ANKRD7: variants seen among roughly 807,000 people sequenced by gnomAD.
ANKRD7 encodes the protein ankyrin repeat domain-containing protein 7.
ANKRD7 carries 30 observed loss-of-function variants against 30.8 expected under a neutral mutation model. The ratio of observed to expected loss-of-function variants is 0.97; its 90% CI spans 0.73 to 1.32. The LOEUF (loss-of-function observed/expected upper bound fraction) is 1.32. Ranked by LOEUF, ANKRD7 falls within the 40% of genes most tolerant of loss-of-function variation. The probability of loss-of-function intolerance (pLI) is 0.00; values close to 1 mark genes in which losing one functional copy is unlikely to be tolerated. For missense variants in ANKRD7, 264 were observed against 295.7 expected (o/e 0.89, Z 0.79); for synonymous variants, 97 against 106.6 (o/e 0.91, Z 0.55).
At chr7:118,236,207 C>CGTGTGTGCGT in intron 4 of ANKRD7, 60 bp downstream of exon 4, 1 of 595,872 alleles carries the variant, frequency 1.7e-6, no homozygotes, top group Non-Finnish European at 2.8e-6. Context: ...TGTGTGTGTG[C>CGTGTGTGCGT]GTATGTGTGT....
chr7:118,232,176 AT>A (rs199588706), intron 1 of ANKRD7, among the ~76,000 whole-genome samples: 2,235 of 149,542 alleles, frequency 0.015, 55 homozygotes, highest in African/African-American at 0.051. Context: ...GCCACAACAA[AT>A]TTTTTTTTTG....
At chr7:118,236,984 G>A in intron 5 of ANKRD7, 58 bp downstream of exon 5, 1 of 1,566,514 alleles carries the variant, frequency 6.4e-7, no homozygotes, top group Non-Finnish European at 8.7e-7. Context: ...AAGGATCAAA[G>A]CCTAAGCCCC....
Position 118,240,000 on chromosome 7 carries a change from T to C in ANKRD7, c.*37+2T>C. 6.8e-7 allele frequency: 1 copy of C among 1,477,182 alleles called. No homozygotes were observed. The highest frequency in any genetic ancestry group is 9.1e-7 in the Non-Finnish European group (1 of 1,098,966). 91.5% of individuals were successfully genotyped at this position (1,477,182 alleles called of 1,614,324 possible). ...GGCACTACATGTGACTAAAGGAAGG[T>C]AAGATTGCTAACTGGATTAGTGTTT... On this transcript the variant is annotated splice_donor_variant, in intron 6 of 6. Transcript: ENST00000265224. LOFTEE classifies it low-confidence loss of function (3UTR_SPLICE).
intron 1 of ANKRD7, among the ~76,000 whole-genome samples, chr7:118,230,927 A>G (rs1456426587): frequency 6.6e-6 from 1 of 151,946 alleles, no homozygotes; most frequent in Admixed American, 6.6e-5. Flanking sequence ...TGGAAGTGAT[A>G]TTTTTAGATA....
intron 5 of ANKRD7, 106 bp downstream of exon 5, chr7:118,237,032 A>G: frequency 3.4e-6 from 4 of 1,172,448 alleles, no homozygotes; most frequent in South Asian, 3.0e-5. Flanking sequence ...AGTAGGGGTA[A>G]CCACATACAA....
Position 118,239,954 on chromosome 7 carries a change from C to G in ANKRD7, c.758C>G (p.Ala253Gly). 6.3e-7 allele frequency: 1 copy of G among 1,594,506 alleles called. No individual in the cohort carries two copies. The highest frequency in any genetic ancestry group is 8.6e-7 in the Non-Finnish European group (1 of 1,168,002). Residue 253 changes from alanine (A) to glycine (G), a missense_variant, in exon 6 of 7, where the codon GCT becomes GGT. Coordinates refer to ENST00000265224, the MANE Select transcript of ANKRD7 (RefSeq NM_019644.4). Reference sequence around the variant, plus strand: ...GCGAGCCATGGAAAGAAGAAACATGCTAAATAGACACCTTATTCTTGGCAC... The same window carrying G: ...GCGAGCCATGGAAAGAAGAAACATGGTAAATAGACACCTTATTCTTGGCAC... ...FTASHGKKKHAK is the reference protein window; with the variant it reads ...FTASHGKKKHGK
chr7:118,234,825 T>C lies in ANKRD7; in HGVS notation c.419T>C (p.Leu140Ser). Reference sequence around the variant, plus strand: ...GCTGTTTGTGGTCAAAGTTTGTCATTAGTTGAAAAACTGCTTGAATACGAA... The same window carrying C: ...GCTGTTTGTGGTCAAAGTTTGTCATCAGTTGAAAAACTGCTTGAATACGAA... Reference protein sequence around the residue: ...HYAVCGQSLSLVEKLLEYEAD... With the variant: ...HYAVCGQSLSSVEKLLEYEAD... Residue 140 changes from leucine (L) to serine (S), a missense_variant, in exon 3 of 7, where the codon TTA becomes TCA. Coordinates refer to ENST00000265224, the MANE Select transcript of ANKRD7 (RefSeq NM_019644.4). 1.2e-6 allele frequency: 2 copies of C among 1,611,778 alleles called. No individual in the cohort carries two copies. Among genetic ancestry groups the C allele is most frequent in the Non-Finnish European group, 8.5e-7 (1 of 1,179,510 alleles).
intron 5 of ANKRD7, among the ~76,000 whole-genome samples, chr7:118,238,273 A>G (rs899950007): frequency 4.4e-4 from 67 of 152,264 alleles, no homozygotes; most frequent in African/African-American, 1.6e-3. Flanking sequence ...CATATTTTCA[A>G]TGTCGAAAAT....
At chr7:118,235,066 T>C (rs1321332141) in intron 3 of ANKRD7, among the ~76,000 whole-genome samples, 192 bp downstream of exon 3, 1 of 152,200 alleles carries the variant, frequency 6.6e-6, no homozygotes, top group Non-Finnish European at 1.5e-5. Flanking sequence ...TATATTTTAT[T>C]GCAGATTGTA....
intron 1 of ANKRD7, among the ~76,000 whole-genome samples, chr7:118,233,660 A>T (rs1483403948): frequency 1.3e-5 from 2 of 152,120 alleles, no homozygotes; most frequent in Non-Finnish European, 2.9e-5. Flanking sequence ...AAACAAGGAA[A>T]ATATATTTAA....
chr7:118,233,090 C>T (rs1204528861), intron 1 of ANKRD7, among the ~76,000 whole-genome samples: 1 of 152,012 alleles, frequency 6.6e-6, no homozygotes, highest in Non-Finnish European at 1.5e-5. Context: ...AATTAGTCAT[C>T]AGAAATTTGC....
chr7:118,240,935 A>G (rs987795364), intron 6 of ANKRD7, among the ~76,000 whole-genome samples: 4 of 150,968 alleles, frequency 2.6e-5, no homozygotes, highest in Non-Finnish European at 5.9e-5. Flanking sequence ...CGGGTGGATC[A>G]TGAGGTCAGG....
intron 6 of ANKRD7, among the ~76,000 whole-genome samples, chr7:118,241,899 T>G (rs1376916943): frequency 2.6e-5 from 4 of 152,162 alleles, no homozygotes; most frequent in African/African-American, 7.2e-5. Flanking sequence ...TCTCTCTCTT[T>G]TAAATGTCTG....
chr7:118,229,155 T>G (rs1349095481), intron 1 of ANKRD7, among the ~76,000 whole-genome samples: 1 of 152,158 alleles, frequency 6.6e-6, no homozygotes, highest in Non-Finnish European at 1.5e-5. Context: ...GTTTTTGGAC[T>G]AGCTGGTCCC....
chr7:118,235,611 CAAAAAAAAAAA>C (rs776419798), intron 3 of ANKRD7, among the ~76,000 whole-genome samples: 1 of 48,334 alleles, frequency 2.1e-5, no homozygotes, highest in Non-Finnish European at 4.5e-5. Flanking sequence ...GACTCTGTCT[CAAAAAAAAAAA>C]AAAAAAAAAA....
In ANKRD7 at chr7:118,234,798, A is replaced by C. The variant is rs1282418520; in HGVS notation, c.392A>C (p.Tyr131Ser). 6.2e-7 allele frequency: 1 copy of C among 1,612,876 alleles called. No homozygotes were observed. Among genetic ancestry groups the C allele is most frequent in the Non-Finnish European group, 8.5e-7 (1 of 1,179,672 alleles). ...ATTCGTTATAATACTGTTCTTCACT[A>C]TGCTGTTTGTGGTCAAAGTTTGTCA... Reference protein sequence around the residue: ...RDIRYNTVLHYAVCGQSLSLV... With the variant: ...RDIRYNTVLHSAVCGQSLSLV... The change falls in exon 3 of 7, where the codon TAT becomes TCT. Residue 131 changes from tyrosine (Y) to serine (S), a missense_variant. Transcript: ENST00000265224.
intron 1 of ANKRD7, among the ~76,000 whole-genome samples, chr7:118,232,427 T>G (rs1435959453): frequency 1.3e-5 from 2 of 152,092 alleles, no homozygotes; most frequent in African/African-American, 2.4e-5. Context: ...TTGTGCATGC[T>G]CAAAGCTAGA....
rs778517362 is a variant in ANKRD7, at chr7:118,224,840, CT to C, written c.14del (p.Phe5SerfsTer22). The C allele has an allele frequency of 1.4e-5, 22 of 1,612,666 alleles. No homozygotes were observed. Among genetic ancestry groups the C allele is most frequent in the Non-Finnish European group, 1.9e-5 (22 of 1,179,616 alleles). Reference sequence around the variant, plus strand: ...TGCAGCCTGCACCGCCATGAATAAGCTTTTCAGCTTCTGGAAGAGGAAGAAT... The same window carrying C: ...TGCAGCCTGCACCGCCATGAATAAGCTTTCAGCTTCTGGAAGAGGAAGAAT... MNK[L>X]FSFWKRKNET... On this transcript the variant is annotated frameshift_variant, in exon 1 of 7. Transcript: ENST00000265224. LOFTEE classifies it high-confidence loss of function.
rs1562872732 is a variant in ANKRD7 at position 118,232,720 on chromosome 7, T to TGTGTG, written c.180-1711_180-1710insGTGTG. ...CTTTCTCTTAGTAAGAGCAGTGTGT[T>TGTGTG]TGTGTGTGTGTGTGTGTGTGTGTGT... is the stretch of plus-strand genomic sequence containing the variant. On this transcript the variant is annotated intron_variant, in intron 1 of 6. Transcript: ENST00000265224. 6.8e-3 allele frequency among the ~76,000 whole-genome samples: 989 copies of TGTGTG among 146,008 alleles called. 10 individuals carry two copies. The highest frequency in any genetic ancestry group is 0.023 in the African/African-American group (912 of 40,168).
Sources: gnomAD v4.1 joint callset for allele counts (sites outside exome capture counted in the v4.1 genomes callset) on GRCh38, gnomAD v4.1.1 for gene constraint, MANE v1.5 for transcripts, NCBI Gene and HGNC (gene_info 2026-07-23, HGNC 2026-07-21) for gene names.